NAE1: variants seen among roughly 807,000 people sequenced by gnomAD.
The protein encoded by NAE1 is NEDD8-activating enzyme E1 regulatory subunit.
A neutral mutation model predicts 88.0 loss-of-function variants in NAE1; 59 were observed. The observed-to-expected ratio is 0.67, with a 90% CI of 0.54 to 0.83. NAE1 has a LOEUF of 0.83. Ranked by LOEUF, NAE1 falls within the 40% of genes least tolerant of loss-of-function variation. The pLI, the probability that NAE1 is intolerant of heterozygous loss-of-function variation, is 0.00. For missense variants in NAE1, 554 were observed against 632.8 expected, an observed-to-expected ratio of 0.88 and a Z score of 1.34; for synonymous variants, 186 against 208.9, an observed-to-expected ratio of 0.89 and a Z score of 0.95.
At chr16:66,822,303 C>T (rs1960294845) in intron 6 of NAE1, among the ~76,000 whole-genome samples, 2 of 152,178 alleles carry the variant, frequency 1.3e-5, no homozygotes. Flanking sequence ...GGCTTGGTGG[C>T]TCCACAACTG....
At chr16:66,818,693 G>A in intron 7 of NAE1, 56 bp from the exon 8 acceptor site, 4 of 1,527,426 alleles carry the variant, frequency 2.6e-6, no homozygotes, top group Non-Finnish European at 3.5e-6. Flanking sequence ...AAAAAAGAGA[G>A]AGATGGGGTC....
At chr16:66,811,543 C>T (rs928683985) in intron 13 of NAE1, among the ~76,000 whole-genome samples, 1 of 151,996 alleles carries the variant, frequency 6.6e-6, no homozygotes, top group African/African-American at 2.4e-5. Flanking sequence ...AAAACCCTTA[C>T]CCAATTATTA....
In NAE1 at chr16:66,823,605, T is replaced by C. The variant is rs1960352232; in HGVS notation, c.250-5A>G. On this transcript the variant is annotated splice_polypyrimidine_tract_variant and splice_region_variant and intron_variant, in intron 4 of 19. Transcript: ENST00000290810. ...CATGGCAGCTTCAGCTCGGTTCTTTTTAAAAACAAAGCATTTAACTTGAAT... is the reference window on the plus strand; with the variant it reads ...CATGGCAGCTTCAGCTCGGTTCTTTCTAAAAACAAAGCATTTAACTTGAAT... 2 of 1,585,880 alleles carry C rather than the reference T, an allele frequency of 1.3e-6. No homozygotes were observed. Among genetic ancestry groups the C allele is most frequent in the South Asian group, 1.2e-5 (1 of 85,196 alleles).
chr16:66,817,625 TAATA>T (rs1960098325), intron 8 of NAE1, 138 bp from the exon 9 acceptor site: 1 of 575,418 alleles, frequency 1.7e-6, no homozygotes, highest in African/African-American at 2.0e-5. Flanking sequence ...TGAACTGAGT[TAATA>T]AAAACTGCTT....
intron 15 of NAE1, among the ~76,000 whole-genome samples, chr16:66,809,718 G>A (rs552631801): frequency 6.6e-6 from 1 of 152,266 alleles, no homozygotes; most frequent in African/African-American, 2.4e-5. Flanking sequence ...AACAGACATT[G>A]TGGAGAAGTC....
chr16:66,803,656 T>A (rs577493530), intron 19 of NAE1, among the ~76,000 whole-genome samples: 31 of 152,028 alleles, frequency 2.0e-4, no homozygotes, highest in African/African-American at 7.5e-4. Context: ...AGTGGCGTGA[T>A]CTCGGCTCAC....
intron 7 of NAE1, 90 bp from the exon 8 acceptor site, chr16:66,818,727 T>C (rs1173351047): frequency 1.4e-6 from 2 of 1,432,296 alleles, no homozygotes; most frequent in Admixed American, 2.8e-5. Context: ...CAGGCTGAAG[T>C]ACAGTGGCAC....
rs140382369 is a variant in NAE1 at position 66,823,284 on chromosome 16, T to C, written c.344A>G (p.Asn115Ser). ...VEESPENLLD[N>S]DPSFFCRFTV... ...AAACCTACAGAAAAATGAGGGATCA[T>C]TGTCTAGAAGGTTTTCTGGACTCTA... Residue 115 changes from asparagine to serine, a missense_variant, in exon 6 of 20, where the codon AAT becomes AGT. Asn to Ser is a conservative substitution (Grantham distance 46, BLOSUM62 1). Coordinates refer to ENST00000290810, the MANE Select transcript of NAE1 (RefSeq NM_003905.4). 830 of 1,603,824 alleles carry C rather than the reference T, an allele frequency of 5.2e-4. 1 individual carries two copies. Among genetic ancestry groups the C allele is most frequent in the Non-Finnish European group, 6.7e-4 (793 of 1,176,786 alleles).
At chr16:66,822,455 C>T (rs1303242722) in intron 6 of NAE1, among the ~76,000 whole-genome samples, 1 of 151,910 alleles carries the variant, frequency 6.6e-6, no homozygotes, top group East Asian at 1.9e-4. Flanking sequence ...CCTATAATCC[C>T]AGCTATTTGG....
chr16:66,808,909 T>C, intron 16 of NAE1, 80 bp downstream of exon 16: 1 of 934,104 alleles, frequency 1.1e-6, no homozygotes, highest in Non-Finnish European at 1.6e-6. Flanking sequence ...CACCATATAC[T>C]CAACACTATT....
intron 6 of NAE1, among the ~76,000 whole-genome samples, chr16:66,822,883 T>TTA (rs1234865877): frequency 6.7e-6 from 1 of 149,974 alleles, no homozygotes; most frequent in East Asian, 2.0e-4. Context: ...TTGGCCAGGA[T>TTA]GGTCTCAATC....
intron 3 of NAE1, among the ~76,000 whole-genome samples, chr16:66,825,682 T>C (rs1597050753): frequency 6.6e-6 from 1 of 152,152 alleles, no homozygotes; most frequent in Admixed American, 6.6e-5. Flanking sequence ...CATTTGTTTT[T>C]GCACGTAACT....
intron 4 of NAE1, 25 bp from the exon 5 acceptor site, chr16:66,823,625 T>G (rs1169549020): frequency 6.3e-7 from 1 of 1,576,094 alleles, no homozygotes; most frequent in African/African-American, 1.4e-5. Flanking sequence ...AGCATTTAAC[T>G]TGAATTAGAA....
chr16:66,803,028 G>A lies in NAE1; in HGVS notation c.1586C>T (p.Ser529Leu). 6.2e-7 allele frequency: 1 copy of A among 1,607,930 alleles called. No individual in the cohort carries two copies. The highest frequency in any genetic ancestry group is 8.5e-7 in the Non-Finnish European group (1 of 1,174,674). The change falls in exon 20 of 20, where the codon TCA becomes TTA. Residue 529 changes from serine to leucine, a missense_variant. Physicochemically the swap from Ser to Leu is moderately radical, Grantham distance 145. Transcript: ENST00000290810. ...CTTACTCTACAACTGGAAAGTTGCTGAAGTTTGTGACATGCCACTGTAAAT... is the reference window on the plus strand; with the variant it reads ...CTTACTCTACAACTGGAAAGTTGCTAAAGTTTGTGACATGCCACTGTAAAT... ...TYIYSGMSQT[S>L]ATFQL is the part of the protein sequence containing the mutation.
At chr16:66,823,102 C>G in intron 6 of NAE1, 125 bp downstream of exon 6, 1 of 324,390 alleles carries the variant, frequency 3.1e-6, no homozygotes, top group Non-Finnish European at 5.4e-6. Flanking sequence ...AAAAAAGTTT[C>G]ATATTTAAAG....
chr16:66,818,977 T>TA (rs904413619), intron 7 of NAE1, among the ~76,000 whole-genome samples: 2 of 152,204 alleles, frequency 1.3e-5, no homozygotes, highest in Non-Finnish European at 2.9e-5. Context: ...AAGATAAACT[T>TA]AATTCTTTGG....
At chr16:66,822,014 C>G (rs778999588) in intron 6 of NAE1, among the ~76,000 whole-genome samples, 5 of 152,050 alleles carry the variant, frequency 3.3e-5, no homozygotes, top group Non-Finnish European at 1.5e-5. Context: ...GGACCACAAG[C>G]AGGCACACCA....
intron 11 of NAE1, among the ~76,000 whole-genome samples, chr16:66,814,592 CAAAA>C (rs34053542): frequency 8.8e-6 from 1 of 113,250 alleles, no homozygotes; most frequent in Non-Finnish European, 1.8e-5. Flanking sequence ...GACCCTGTCT[CAAAA>C]AAAAAAAAAA....
At chr16:66,830,631 G>A (rs1340421283) in intron 1 of NAE1, among the ~76,000 whole-genome samples, 1 of 152,240 alleles carries the variant, frequency 6.6e-6, no homozygotes, top group Non-Finnish European at 1.5e-5. Context: ...CCCCCGAACT[G>A]CACACCGCGT....
Sources: gnomAD v4.1 joint callset for allele counts (sites outside exome capture counted in the v4.1 genomes callset) on GRCh38, gnomAD v4.1.1 for gene constraint, MANE v1.5 for transcripts, NCBI Gene and HGNC (gene_info 2026-07-23, HGNC 2026-07-21) for gene names.